Variants in FBXL20 observed in about 807,000 individuals in gnomAD.
FBXL20 encodes F-box and leucine rich repeat protein 20, also known as F-box/LRR-repeat protein 20.
A neutral mutation model predicts 64.0 loss-of-function variants in FBXL20; 11 were observed. The ratio of observed to expected loss-of-function variants is 0.17; its 90% CI spans 0.11 to 0.28. The LOEUF is 0.28. Ranked by LOEUF, FBXL20 falls within the 10% of genes least tolerant of loss-of-function variation. FBXL20 has a pLI of 1.00. For missense variants in FBXL20, 303 were observed against 526.2 expected (o/e 0.58, Z 4.15); for synonymous variants, 184 against 189.0 (o/e 0.97, Z 0.22).
At chr17:39,291,046 C>G (rs2047033738) in intron 6 of FBXL20, among the ~76,000 whole-genome samples, 1 of 151,924 alleles carries the variant, frequency 6.6e-6, no homozygotes, top group Admixed American at 6.6e-5. Context: ...ACTGCAAGCT[C>G]CGCCTCCCGG....
At chr17:39,332,376 T>C (rs72825121) in intron 2 of FBXL20, among the ~76,000 whole-genome samples, 3,137 of 152,226 alleles carry the variant, frequency 0.021, 74 homozygotes, top group Admixed American at 0.064. Context: ...GATGAACTTC[T>C]CTAATGGACA....
At chr17:39,356,040 CCT>C (rs1344472867) in intron 1 of FBXL20, among the ~76,000 whole-genome samples, 1 of 151,122 alleles carries the variant, frequency 6.6e-6, no homozygotes, top group Non-Finnish European at 1.5e-5. Flanking sequence ...ATGGTGAAAC[CCT>C]GTCTCTACTA....
chr17:39,297,209 A>T lies in FBXL20; in HGVS notation c.330-14T>A. ...TGTGCAAAGGTTCTTTGTAGGAAAG[A>T]AAGTAAGAGGTTTCAAATGAAATAG... On this transcript the variant is annotated splice_polypyrimidine_tract_variant and intron_variant, in intron 5 of 14. Transcript: ENST00000264658. The T allele has an allele frequency of 6.3e-7, 1 of 1,594,260 alleles. No individual in the cohort carries two copies. The highest frequency in any genetic ancestry group is 8.6e-7 in the Non-Finnish European group (1 of 1,164,994).
In FBXL20 at chr17:39,349,453, T is replaced by C. The variant is rs2047666430; in HGVS notation, c.43-6212A>G. On this transcript the variant is annotated intron_variant, in intron 1 of 14. Transcript: ENST00000264658. ...CTTTCAGATTTTGGGCTGAGCAAGG[T>C]GACTCATGCCTATAATCCCGGCACC... Among the ~76,000 whole-genome samples the C allele has an allele frequency of 2.0e-5, 3 of 149,242 alleles. No individual in the cohort carries two copies. In the Admixed American group the frequency reaches 2.0e-4, roughly 10 times the overall value.
chr17:39,371,079 G>A (rs1448092738), intron 1 of FBXL20, among the ~76,000 whole-genome samples: 1 of 152,018 alleles, frequency 6.6e-6, no homozygotes, highest in African/African-American at 2.4e-5. Flanking sequence ...TTAGCCGGGC[G>A]TGGTGGCACA....
chr17:39,263,662 T>C (rs761035305), intron 14 of FBXL20, among the ~76,000 whole-genome samples: 3 of 152,068 alleles, frequency 2.0e-5, no homozygotes, highest in African/African-American at 4.8e-5. Flanking sequence ...ACTGCACTCC[T>C]GCCTGGGCAA....
intron 1 of FBXL20, among the ~76,000 whole-genome samples, chr17:39,382,708 G>A (rs2048036905): frequency 6.6e-6 from 1 of 151,876 alleles, no homozygotes; most frequent in Non-Finnish European, 1.5e-5. Flanking sequence ...AGGTGTGGTG[G>A]CATGCACCTG....
At chr17:39,357,115 A>G (rs2144605149) in intron 1 of FBXL20, among the ~76,000 whole-genome samples, 1 of 151,888 alleles carries the variant, frequency 6.6e-6, no homozygotes, top group East Asian at 2.0e-4. Flanking sequence ...CTCTACTAAA[A>G]ATACAAAATT....
chr17:39,337,316 G>A (rs1321169461), intron 2 of FBXL20, among the ~76,000 whole-genome samples: 1 of 152,196 alleles, frequency 6.6e-6, no homozygotes, highest in Non-Finnish European at 1.5e-5. Context: ...GGAGTGCAGT[G>A]GTGTGATCTC....
intron 5 of FBXL20, 79 bp from the exon 6 acceptor site, chr17:39,297,274 T>C: frequency 2.5e-6 from 2 of 792,002 alleles, no homozygotes; most frequent in East Asian, 2.7e-5. Context: ...AAATATATTA[T>C]TATTGGTAAT....
intron 1 of FBXL20, among the ~76,000 whole-genome samples, chr17:39,396,880 C>T (rs1247221517): frequency 1.3e-5 from 2 of 151,082 alleles, no homozygotes; most frequent in Non-Finnish European, 2.9e-5. Flanking sequence ...TGGCGTGAAC[C>T]TGGGAGGCGG....
intron 1 of FBXL20, among the ~76,000 whole-genome samples, chr17:39,345,093 G>T (rs991072561): frequency 1.3e-5 from 2 of 152,332 alleles, no homozygotes. Context: ...GAAGCTGAGA[G>T]AAATACGTTC....
chr17:39,313,445 C>G (rs2047255413), intron 2 of FBXL20, among the ~76,000 whole-genome samples: 1 of 150,988 alleles, frequency 6.6e-6, no homozygotes, highest in African/African-American at 2.4e-5. Flanking sequence ...GTTGGCCAGG[C>G]TGGTCTCAAA....
At chr17:39,262,427 C>T (rs1228902091) in intron 14 of FBXL20, among the ~76,000 whole-genome samples, 1 of 151,944 alleles carries the variant, frequency 6.6e-6, no homozygotes, top group Non-Finnish European at 1.5e-5. Flanking sequence ...ATTACAGGCA[C>T]CTGCCACCAT....
chr17:39,342,708 C>G (rs764654151), intron 2 of FBXL20, among the ~76,000 whole-genome samples: 1 of 151,882 alleles, frequency 6.6e-6, no homozygotes, highest in Non-Finnish European at 1.5e-5. Context: ...CAGAGAGAGA[C>G]CCCGTCTCAA....
chr17:39,401,418 G>T lies in FBXL20; in HGVS notation c.-16C>A, dbSNP rs375117811. 52 of 1,589,676 alleles carry T rather than the reference G, an allele frequency of 3.3e-5. No homozygotes were observed. Among genetic ancestry groups the T allele is most frequent in the Non-Finnish European group, 4.3e-5 (50 of 1,169,660 alleles). On this transcript the variant is annotated 5_prime_UTR_variant, in exon 1 of 15. Coordinates refer to ENST00000264658, the MANE Select transcript of FBXL20 (RefSeq NM_032875.3). ...CCCTCCTCATGGGGCCGGCGGGTGC[G>T]GCCCGGGCCGGGCGCTGCGGCGAGC...
intron 1 of FBXL20, among the ~76,000 whole-genome samples, chr17:39,349,518 G>A (rs2047666991): frequency 6.6e-6 from 1 of 151,148 alleles, no homozygotes; most frequent in African/African-American, 2.4e-5. Flanking sequence ...AGCCCAAGAG[G>A]TCAAGGATGC....
At chr17:39,299,182 GCTT>G in intron 4 of FBXL20, 98 bp from the exon 5 acceptor site, 3 of 858,070 alleles carry the variant, frequency 3.5e-6, no homozygotes, top group Non-Finnish European at 5.5e-6. Flanking sequence ...AAGAGAAAAT[GCTT>G]CTATTATGAC....
chr17:39,356,470 C>T (rs543709289), intron 1 of FBXL20, among the ~76,000 whole-genome samples: 1 of 152,216 alleles, frequency 6.6e-6, no homozygotes, highest in African/African-American at 2.4e-5. Context: ...ATCATCCCAT[C>T]TCAGCCCCCC....
Sources: allele counts gnomAD v4.1 joint callset (sites outside exome capture counted in the v4.1 genomes callset), GRCh38; gene constraint gnomAD v4.1.1; transcripts MANE v1.5; gene names NCBI Gene and HGNC (gene_info 2026-07-23, HGNC 2026-07-21).